Variants in GCNT2 observed in about 807,000 individuals in gnomAD.
GCNT2 encodes N-acetyllactosaminide beta-1,6-N-acetylglucosaminyl-transferase.
Under a neutral mutation model 34.2 loss-of-function variants are expected in GCNT2, and 34 were observed. That is an observed-to-expected ratio of 1.00 (90% CI 0.76 to 1.32). The LOEUF is 1.32. GCNT2 is among the 40% of genes most tolerant of loss of function. GCNT2 has a pLI of 0.00. For synonymous variants in GCNT2, 212 were observed against 188.0 expected (o/e 1.13, Z -1.04); for missense variants, 584 against 489.4 (o/e 1.19, Z -1.82).
intron 3 of GCNT2, among the ~76,000 whole-genome samples, chr6:10,562,982 A>T (rs1763074599): frequency 6.6e-6 from 1 of 152,150 alleles, no homozygotes; most frequent in Non-Finnish European, 1.5e-5. Flanking sequence ...AACATGGTGA[A>T]ACCCTACCTC....
chr6:10,536,125 C>T (rs969354523), intron 3 of GCNT2, among the ~76,000 whole-genome samples: 2 of 152,074 alleles, frequency 1.3e-5, no homozygotes, highest in Non-Finnish European at 2.9e-5. Flanking sequence ...AAGGGCAGAT[C>T]CGAATCAAGG....
chr6:10,556,649 T>C lies in GCNT2; in HGVS notation c.925+26813T>C, dbSNP rs530885009. 3.7e-5 allele frequency: 59 copies of C among 1,614,162 alleles called. No individual in the cohort carries two copies. In the South Asian group the frequency reaches 5.8e-4, roughly 16 times the overall value. The stretch of plus-strand genomic sequence containing the variant: ...TGAGAAGTCTTCTTGCAAGGAATAC[T>C]TGACCCAGAGCCACTACATCACAGC... On this transcript the variant is annotated intron_variant, in intron 3 of 4. Coordinates refer to ENST00000495262, the MANE Select transcript of GCNT2 (RefSeq NM_145649.5).
At chr6:10,554,089 A>G (rs16870475) in intron 3 of GCNT2, among the ~76,000 whole-genome samples, 4,739 of 152,290 alleles carry the variant, frequency 0.031, 250 homozygotes, top group African/African-American at 0.11. Flanking sequence ...GTCCTCAGCT[A>G]TAGTTAAAGG....
intron 3 of GCNT2, among the ~76,000 whole-genome samples, 197 bp from the exon 4 acceptor site, chr6:10,621,154 G>A (rs2127444701): frequency 6.6e-6 from 1 of 152,290 alleles, no homozygotes; most frequent in South Asian, 2.1e-4. Context: ...TAGATGATGA[G>A]TCAACAACTA....
intron 3 of GCNT2, among the ~76,000 whole-genome samples, chr6:10,577,420 C>T (rs1763868588): frequency 6.6e-6 from 1 of 152,350 alleles, no homozygotes; most frequent in East Asian, 1.9e-4. Flanking sequence ...AAGATGCTAC[C>T]TCCTTCCTGA....
At chr6:10,604,484 G>A (rs1297016239) in intron 3 of GCNT2, among the ~76,000 whole-genome samples, 1 of 152,136 alleles carries the variant, frequency 6.6e-6, no homozygotes, top group African/African-American at 2.4e-5. Flanking sequence ...CTTAAAGAAA[G>A]TTGCTGTATT....
chr6:10,576,626 T>G (rs1366490564), intron 3 of GCNT2, among the ~76,000 whole-genome samples: 1 of 151,870 alleles, frequency 6.6e-6, no homozygotes, highest in African/African-American at 2.4e-5. Flanking sequence ...GAGGAATGGG[T>G]TGGGGAGTTC....
Position 10,545,351 on chromosome 6 carries a change from T to A in GCNT2, c.925+15515T>A, listed in dbSNP as rs193222738. Among the ~76,000 whole-genome samples the A allele has an allele frequency of 3.0e-3, 452 of 152,324 alleles. 2 individuals carry two copies. The highest frequency in any genetic ancestry group is 5.3e-3 in the Non-Finnish European group (363 of 68,026). On this transcript the variant is annotated intron_variant, in intron 3 of 4. Coordinates refer to ENST00000495262, the MANE Select transcript of GCNT2 (RefSeq NM_145649.5). ...ATCGACATTTGACCACCTAGAAACT[T>A]TGGAGTTTTGTTTAAATCCACATCA...
At chr6:10,565,821 T>A (rs571951562) in intron 3 of GCNT2, among the ~76,000 whole-genome samples, 1 of 152,258 alleles carries the variant, frequency 6.6e-6, no homozygotes, top group South Asian at 2.1e-4. Context: ...AGTTGTATAA[T>A]TTCTTCCTAA....
chr6:10,623,618 CTTAGAA>C (rs1392175199), intron 4 of GCNT2, among the ~76,000 whole-genome samples: 8 of 152,140 alleles, frequency 5.3e-5, no homozygotes, highest in Non-Finnish European at 1.2e-4. Context: ...CCTCTTAGCA[CTTAGAA>C]TGATCTTCAA....
chr6:10,601,801 C>T (rs988100348), intron 3 of GCNT2, among the ~76,000 whole-genome samples: 24 of 151,964 alleles, frequency 1.6e-4, no homozygotes, highest in East Asian at 5.8e-4. Context: ...ATTAGCCGGG[C>T]GTGGTGGCGG....
intron 1 of GCNT2, among the ~76,000 whole-genome samples, chr6:10,526,604 G>A (rs892359768): frequency 3.5e-4 from 53 of 152,222 alleles, no homozygotes; most frequent in African/African-American, 1.2e-3. Context: ...GGGCCTGGCT[G>A]TGTTGCCTAG....
chr6:10,614,725 A>G lies in GCNT2; in HGVS notation c.926-6626A>G, dbSNP rs992204252. Among the ~76,000 whole-genome samples, 7 of 151,996 alleles carry G rather than the reference A, an allele frequency of 4.6e-5. No individual in the cohort carries two copies. The South Asian group carries it at 8.3e-4, about 18-fold the overall frequency. On this transcript the variant is annotated intron_variant, in intron 3 of 4. Transcript: ENST00000495262. ...ATTACACCTTAAGTTGCCATGTCCTATTGGGAAATCAAGACAGCATCCAGG... is the reference window on the plus strand; with the variant it reads ...ATTACACCTTAAGTTGCCATGTCCTGTTGGGAAATCAAGACAGCATCCAGG...
At chr6:10,546,112 G>A (rs1480810490) in intron 3 of GCNT2, among the ~76,000 whole-genome samples, 2 of 152,152 alleles carry the variant, frequency 1.3e-5, no homozygotes, top group Non-Finnish European at 2.9e-5. Flanking sequence ...GTCTGTGCAT[G>A]CTGACTTGCT....
intron 3 of GCNT2, among the ~76,000 whole-genome samples, chr6:10,577,171 C>G (rs971812439): frequency 6.6e-6 from 1 of 152,246 alleles, no homozygotes; most frequent in African/African-American, 2.4e-5. Context: ...AACTTTACCT[C>G]CCTGAGGCTT....
At chr6:10,563,120 A>C (rs1386311606) in intron 3 of GCNT2, among the ~76,000 whole-genome samples, 1 of 151,932 alleles carries the variant, frequency 6.6e-6, no homozygotes, top group Non-Finnish European at 1.5e-5. Flanking sequence ...ATGCCACTGA[A>C]CTCCAGCCTG....
chr6:10,613,469 A>G (rs1249301393), intron 3 of GCNT2, among the ~76,000 whole-genome samples: 1 of 152,084 alleles, frequency 6.6e-6, no homozygotes, highest in Non-Finnish European at 1.5e-5. Flanking sequence ...CATACTCCCC[A>G]TAACTACCCT....
At chr6:10,598,492 T>C (rs1764951238) in intron 3 of GCNT2, among the ~76,000 whole-genome samples, 1 of 152,216 alleles carries the variant, frequency 6.6e-6, no homozygotes, top group Non-Finnish European at 1.5e-5. Flanking sequence ...TCACGGTCAC[T>C]GTGTCCACAT....
intron 3 of GCNT2, chr6:10,586,880 T>A: frequency 6.2e-7 from 1 of 1,612,324 alleles, no homozygotes. Flanking sequence ...ATAGTCCTGA[T>A]GAGCATTTCT....
Sources: gnomAD v4.1 joint callset for allele counts (sites outside exome capture counted in the v4.1 genomes callset) on GRCh38, gnomAD v4.1.1 for gene constraint, MANE v1.5 for transcripts, NCBI Gene and HGNC (gene_info 2026-07-23, HGNC 2026-07-21) for gene names.